TRPC4: variants seen among roughly 807,000 people sequenced by gnomAD.
The protein encoded by TRPC4 is transient receptor potential cation channel subfamily C member 4, also known as short transient receptor potential channel 4.
A neutral mutation model predicts 99.4 loss-of-function variants in TRPC4; 49 were observed. That is an observed-to-expected ratio of 0.49 (90% confidence interval 0.39 to 0.63). The LOEUF is 0.63. Among genes scored for constraint, TRPC4 ranks in the 20% least tolerant of loss-of-function variants. The pLI is 0.00. For missense variants in TRPC4, 898 were observed against 1,152.9 expected (o/e 0.78, Z 3.20); for synonymous variants, 454 against 425.9 (o/e 1.07, Z -0.81).
chr13:37,647,406 G>C (rs752147318), intron 8 of TRPC4, among the ~76,000 whole-genome samples: 29 of 152,174 alleles, frequency 1.9e-4, no homozygotes, highest in Admixed American at 1.8e-3. Context: ...CAAGGGATTC[G>C]GGACACAGGA....
chr13:37,869,047 G>A (rs752997030), intron 1 of TRPC4, among the ~76,000 whole-genome samples: 2 of 152,012 alleles, frequency 1.3e-5, no homozygotes, highest in Admixed American at 1.3e-4. Context: ...CGGGCAACAC[G>A]GATAAAAGTG....
At chr13:37,860,852 T>C (rs559279576) in intron 1 of TRPC4, among the ~76,000 whole-genome samples, 1 of 151,500 alleles carries the variant, frequency 6.6e-6, no homozygotes, top group African/African-American at 2.4e-5. Flanking sequence ...AGTATAATAT[T>C]GAAGAAACAA....
intron 1 of TRPC4, among the ~76,000 whole-genome samples, chr13:37,827,745 C>CA: frequency 6.6e-6 from 1 of 152,338 alleles, no homozygotes. Context: ...GCCCTGCCCC[C>CA]AGAGGTGGAG....
At chr13:37,745,454 A>ATATGCG (rs1555265688) in intron 3 of TRPC4, among the ~76,000 whole-genome samples, 1 of 3,114 alleles carries the variant, frequency 3.2e-4, no homozygotes, top group Non-Finnish European at 1.2e-3. Context: ...ATATATATAT[A>ATATGCG]TATATATATA....
In TRPC4 at chr13:37,634,295, ACTCCT is replaced by A. The variant is rs1358753545; in HGVS notation, c.*2603_*2607del. On this transcript the variant is annotated 3_prime_UTR_variant, in exon 11 of 11. Transcript: ENST00000379705. The stretch of plus-strand genomic sequence containing the variant: ...GTTTGACTTTTCTTATTTTATCCCT[ACTCCT>A]CATCTTCATTAATGCTACATAATGT... 6.6e-6 allele frequency among the ~76,000 whole-genome samples: 1 copy of A among 151,892 alleles called. No homozygotes were observed. The highest frequency in any genetic ancestry group is 1.5e-5 in the Non-Finnish European group (1 of 67,920).
At chr13:37,639,913 T>C (rs1223821203) in intron 8 of TRPC4, among the ~76,000 whole-genome samples, 1 of 151,922 alleles carries the variant, frequency 6.6e-6, no homozygotes, top group Non-Finnish European at 1.5e-5. Context: ...TTTGAAGGCA[T>C]CAGAATGGTT....
chr13:37,777,959 G>A (rs1170313724), intron 2 of TRPC4, among the ~76,000 whole-genome samples: 2 of 151,950 alleles, frequency 1.3e-5, no homozygotes, highest in African/African-American at 4.8e-5. Context: ...AGCTTCTAAT[G>A]ACTTTGTTAT....
intron 1 of TRPC4, among the ~76,000 whole-genome samples, chr13:37,815,059 G>A (rs1045164081): frequency 6.6e-6 from 1 of 151,622 alleles, no homozygotes; most frequent in Non-Finnish European, 1.5e-5. Flanking sequence ...TTACAAAGGT[G>A]TCAAGAAAAA....
At chr13:37,666,951 T>C (rs1952665298) in intron 5 of TRPC4, among the ~76,000 whole-genome samples, 1 of 152,154 alleles carries the variant, frequency 6.6e-6, no homozygotes, top group Non-Finnish European at 1.5e-5. Flanking sequence ...AACAGCCCTA[T>C]TCTGCATTGT....
At chr13:37,857,891 C>A (rs1959186988) in intron 1 of TRPC4, among the ~76,000 whole-genome samples, 1 of 151,728 alleles carries the variant, frequency 6.6e-6, no homozygotes, top group Admixed American at 6.6e-5. Flanking sequence ...CAAGCATAGA[C>A]AACCAAAGCA....
chr13:37,673,603 C>A (rs1952939074), intron 5 of TRPC4, among the ~76,000 whole-genome samples: 1 of 151,698 alleles, frequency 6.6e-6, no homozygotes, highest in South Asian at 2.1e-4. Flanking sequence ...CAACAAAGTA[C>A]AAAATAATCC....
chr13:37,797,737 T>A (rs545248966), intron 1 of TRPC4, among the ~76,000 whole-genome samples: 1 of 152,286 alleles, frequency 6.6e-6, no homozygotes, highest in African/African-American at 2.4e-5. Context: ...GAATTTGTCA[T>A]CTCCTAAATA....
chr13:37,831,865 G>T (rs1958429801), intron 1 of TRPC4, among the ~76,000 whole-genome samples: 1 of 152,098 alleles, frequency 6.6e-6, no homozygotes, highest in Admixed American at 6.6e-5. Context: ...GTAGAATGGT[G>T]GTTACCAGAG....
At chr13:37,681,846 G>A (rs538838357) in intron 4 of TRPC4, among the ~76,000 whole-genome samples, 9 of 152,204 alleles carry the variant, frequency 5.9e-5, no homozygotes, top group Non-Finnish European at 1.2e-4. Flanking sequence ...AAGCATTGAT[G>A]TCAAGACTGT....
At chr13:37,780,139 T>G (rs1956802638) in intron 2 of TRPC4, among the ~76,000 whole-genome samples, 1 of 152,098 alleles carries the variant, frequency 6.6e-6, no homozygotes, top group Admixed American at 6.6e-5. Context: ...CCTTTAAGTG[T>G]AGACAAATTC....
At chr13:37,649,683 G>A (rs996075480) in intron 8 of TRPC4, among the ~76,000 whole-genome samples, 3 of 129,468 alleles carry the variant, frequency 2.3e-5, no homozygotes, top group Admixed American at 9.9e-5. Context: ...GCAGAGTCGC[G>A]ATCATGCCAC....
rs779136307 is a variant in TRPC4, at chr13:37,636,759, A to C, written c.*144T>G. 14 of 1,025,854 alleles carry C rather than the reference A, an allele frequency of 1.4e-5. No individual in the cohort carries two copies. Among genetic ancestry groups the C allele is most frequent in the East Asian group, 1.1e-4 (4 of 37,548 alleles). The allele number at this position is 1,025,854 out of a possible 1,614,324, so 63.5% of individuals were successfully genotyped here. ...GTTTTTGATTGCCTTTGCCTTATTT[A>C]AACATGTTACAGGTAATATGCCACA... On this transcript the variant is annotated 3_prime_UTR_variant, in exon 11 of 11. Coordinates refer to ENST00000379705, the MANE Select transcript of TRPC4 (RefSeq NM_016179.4).
intron 1 of TRPC4, among the ~76,000 whole-genome samples, chr13:37,819,760 G>A (rs654481): frequency 0.034 from 5,056 of 150,764 alleles, 262 homozygotes; most frequent in African/African-American, 0.11. Flanking sequence ...TCTGTACAAC[G>A]AACCCTCATT....
intron 2 of TRPC4, among the ~76,000 whole-genome samples, chr13:37,767,384 T>C (rs566532711): frequency 6.6e-6 from 1 of 151,228 alleles, no homozygotes; most frequent in Non-Finnish European, 1.5e-5. Context: ...CTGTATTTTG[T>C]AGAGAAAATT....
Sources: allele counts gnomAD v4.1 joint callset (sites outside exome capture counted in the v4.1 genomes callset), GRCh38; gene constraint gnomAD v4.1.1; transcripts MANE v1.5; gene names NCBI Gene and HGNC (gene_info 2026-07-23, HGNC 2026-07-21).